Variants in TMEM108 observed in about 807,000 individuals in gnomAD.
The protein encoded by TMEM108 is transmembrane protein 108.
Under a neutral mutation model 35.1 loss-of-function variants are expected in TMEM108, and 12 were observed. That is an observed-to-expected ratio of 0.34 (90% confidence interval 0.22 to 0.55). The LOEUF (loss-of-function observed/expected upper bound fraction) is 0.55. TMEM108 is among the 20% of genes least tolerant of loss of function. TMEM108 has a pLI of 0.89. For missense variants in TMEM108, 680 were observed against 753.3 expected (o/e 0.90, Z 1.14); for synonymous variants, 287 against 308.6 (o/e 0.93, Z 0.73).
At chr3:133,304,214 G>A (rs1361102328) in intron 3 of TMEM108, among the ~76,000 whole-genome samples, 2 of 152,102 alleles carry the variant, frequency 1.3e-5, no homozygotes, top group Non-Finnish European at 2.9e-5. Flanking sequence ...TACGGCTGTG[G>A]TCATCTCACT....
chr3:133,157,069 G>A (rs1430830040), intron 2 of TMEM108, among the ~76,000 whole-genome samples: 1 of 152,142 alleles, frequency 6.6e-6, no homozygotes, highest in African/African-American at 2.4e-5. Flanking sequence ...TGGCTAGAAT[G>A]TTTACCAATC....
intron 3 of TMEM108, among the ~76,000 whole-genome samples, chr3:133,368,910 T>G (rs2072575609): frequency 6.6e-6 from 1 of 152,304 alleles, no homozygotes; most frequent in South Asian, 2.1e-4. Context: ...AAGTTTAGTT[T>G]AGAAACTAAA....
intron 2 of TMEM108, among the ~76,000 whole-genome samples, chr3:133,181,037 A>C (rs1392568492): frequency 7.7e-6 from 1 of 130,448 alleles, no homozygotes; most frequent in Non-Finnish European, 1.7e-5. Flanking sequence ...AAAAAAAAAA[A>C]ACAGCACTCC....
At chr3:133,230,022 GC>G (rs1225235646) in intron 3 of TMEM108, among the ~76,000 whole-genome samples, 1 of 152,168 alleles carries the variant, frequency 6.6e-6, no homozygotes, top group Non-Finnish European at 1.5e-5. Flanking sequence ...GAATGTAAAA[GC>G]CAAAACCAAT....
At chr3:133,386,315 T>C in intron 4 of TMEM108, 3 of 1,285,096 alleles carry the variant, frequency 2.3e-6, no homozygotes, top group Non-Finnish European at 3.2e-6. Context: ...GTTTTTAAGA[T>C]TTGCAATGCC....
chr3:133,102,651 A>T (rs1944102751), intron 2 of TMEM108, among the ~76,000 whole-genome samples: 1 of 152,240 alleles, frequency 6.6e-6, no homozygotes, highest in South Asian at 2.1e-4. Flanking sequence ...GGATAAATGA[A>T]AATGAATTTC....
At chr3:133,294,856 A>G (rs1283165645) in intron 3 of TMEM108, among the ~76,000 whole-genome samples, 1 of 152,208 alleles carries the variant, frequency 6.6e-6, no homozygotes, top group Non-Finnish European at 1.5e-5. Flanking sequence ...AATTTTTAAT[A>G]AAGAAATTAA....
At chr3:133,217,785 T>C (rs748102727) in intron 2 of TMEM108, among the ~76,000 whole-genome samples, 2 of 152,120 alleles carry the variant, frequency 1.3e-5, no homozygotes, top group Non-Finnish European at 2.9e-5. Context: ...TTCATAGGTC[T>C]GTTTTTATGT....
chr3:133,359,442 A>G (rs1348911199), intron 3 of TMEM108, among the ~76,000 whole-genome samples: 1 of 152,182 alleles, frequency 6.6e-6, no homozygotes, highest in South Asian at 2.1e-4. Context: ...CTCTTTAACA[A>G]TAGCCAAGAT....
At chr3:133,277,507 G>A (rs536492789) in intron 3 of TMEM108, among the ~76,000 whole-genome samples, 7 of 152,308 alleles carry the variant, frequency 4.6e-5, no homozygotes, top group Admixed American at 6.5e-5. Flanking sequence ...GATAGCCATG[G>A]GAGAGGTGAG....
chr3:133,146,166 T>C (rs184427034), intron 2 of TMEM108, among the ~76,000 whole-genome samples: 1 of 152,372 alleles, frequency 6.6e-6, no homozygotes, highest in Non-Finnish European at 1.5e-5. Context: ...TTGAGAGTTT[T>C]TAGCATGAAG....
chr3:133,242,611 C>T (rs1018288412), intron 3 of TMEM108, among the ~76,000 whole-genome samples: 7 of 152,338 alleles, frequency 4.6e-5, no homozygotes, highest in Admixed American at 6.5e-5. Context: ...CTGCTCTACA[C>T]GTGATTCTCA....
At chr3:133,389,038 C>G (rs76447161) in intron 4 of TMEM108, 43,355 of 985,522 alleles carry the variant, frequency 0.044, 1,029 homozygotes, top group Non-Finnish European at 0.048. Context: ...CCCAGAGGCT[C>G]TGGTGATGAT....
chr3:133,234,813 C>T (rs1245203870), intron 3 of TMEM108, among the ~76,000 whole-genome samples: 1 of 152,138 alleles, frequency 6.6e-6, no homozygotes, highest in African/African-American at 2.4e-5. Flanking sequence ...GTCAAATTGT[C>T]CCTGTTTGCA....
At chr3:133,213,107 C>T (rs1945858286) in intron 2 of TMEM108, among the ~76,000 whole-genome samples, 1 of 152,138 alleles carries the variant, frequency 6.6e-6, no homozygotes, top group Non-Finnish European at 1.5e-5. Flanking sequence ...ACCTGTTGCT[C>T]ATGGAACAAG....
chr3:133,376,650 G>A (rs1346286320), intron 3 of TMEM108, among the ~76,000 whole-genome samples: 1 of 152,134 alleles, frequency 6.6e-6, no homozygotes, highest in Non-Finnish European at 1.5e-5. Context: ...AATTTGAGGT[G>A]CAGCCTACTC....
intron 2 of TMEM108, among the ~76,000 whole-genome samples, chr3:133,129,548 C>T (rs371776584): frequency 5.9e-5 from 9 of 152,216 alleles, no homozygotes; most frequent in East Asian, 1.9e-4. Flanking sequence ...GCATCACTCA[C>T]GGACAGGAAG....
chr3:133,328,332 A>C (rs758776836), intron 3 of TMEM108, among the ~76,000 whole-genome samples: 1 of 152,198 alleles, frequency 6.6e-6, no homozygotes, highest in Non-Finnish European at 1.5e-5. Flanking sequence ...TATCGTTGGA[A>C]AAAAACTCTA....
intron 4 of TMEM108, among the ~76,000 whole-genome samples, chr3:133,382,338 A>G (rs1559943627): frequency 6.6e-6 from 1 of 152,192 alleles, no homozygotes; most frequent in African/African-American, 2.4e-5. Context: ...ATCTGAAGCC[A>G]TACAACTCTA....
Sources: allele counts gnomAD v4.1 joint callset (sites outside exome capture counted in the v4.1 genomes callset), GRCh38; gene constraint gnomAD v4.1.1; transcripts MANE v1.5; gene names NCBI Gene and HGNC (gene_info 2026-07-23, HGNC 2026-07-21).